MAST2: variants seen among roughly 807,000 people sequenced by gnomAD.
The protein encoded by MAST2 is microtubule-associated serine/threonine-protein kinase 2.
MAST2 carries 70 observed loss-of-function variants against 147.4 expected under a neutral mutation model. The ratio of observed to expected loss-of-function variants is 0.47; its 90% CI spans 0.39 to 0.58. MAST2 has a LOEUF of 0.58. Ranked by LOEUF, MAST2 falls within the 20% of genes least tolerant of loss-of-function variation. The pLI is 0.00. For missense variants in MAST2, 2,080 were observed against 2,302.3 expected, an observed-to-expected ratio of 0.90 and a Z score of 1.98; for synonymous variants, 869 against 896.8, an observed-to-expected ratio of 0.97 and a Z score of 0.55.
At position 46,033,370 on chromosome 1, in the gene MAST2, C is replaced by T. The variant is rs143568269; in HGVS notation, c.3538-432C>T. Among the ~76,000 whole-genome samples the T allele has an allele frequency of 7.4e-3, 1,117 of 150,504 alleles. 17 individuals are homozygous for T. The highest frequency in any genetic ancestry group is 0.026 in the African/African-American group (1,054 of 40,766). ...AGGAGAAGTGCTTGAACCCAGGAGG[C>T]AGAGGTTGCAGTGAGCTGAGATCGC... On this transcript the variant is annotated intron_variant, in intron 26 of 28. Transcript: ENST00000361297.
Position 46,034,939 on chromosome 1 carries a change from ACTT to A in MAST2, c.4273_4275del (p.Ser1425del). On this transcript the variant is annotated inframe_deletion, in exon 29 of 29. Transcript: ENST00000361297. ...TGCCGCCTCTGAGAAGAAGCTAGCC[ACTT>A]CTCGCAAGCACAGCCTTGACCTGCC... The A allele has an allele frequency of 6.2e-7, 1 of 1,614,056 alleles. No individual in the cohort carries two copies. Among genetic ancestry groups the A allele is most frequent in the Non-Finnish European group, 8.5e-7 (1 of 1,180,010 alleles).
At chr1:45,930,769 C>G (rs1655163272) in intron 4 of MAST2, among the ~76,000 whole-genome samples, 1 of 152,134 alleles carries the variant, frequency 6.6e-6, no homozygotes. Context: ...ACCCCATGAA[C>G]CAAATGTGAC....
chr1:45,946,220 C>G (rs1658004450), intron 4 of MAST2, among the ~76,000 whole-genome samples: 2 of 151,892 alleles, frequency 1.3e-5, no homozygotes. Context: ...CAGGTTGATT[C>G]CATTAGAACT....
In MAST2 at chr1:45,833,387, GTTC is replaced by G. The variant is rs61415077; in HGVS notation, c.468+3818_468+3820del. On this transcript the variant is annotated intron_variant, in intron 3 of 28. Coordinates refer to ENST00000361297, the MANE Select transcript of MAST2 (RefSeq NM_015112.3). ...TTAGGTGGAATATTGTTCAAGATTAGTTCTTCTTCTTCTTAAAAAAAAATTACA... is the reference window on the plus strand; with the variant it reads ...TTAGGTGGAATATTGTTCAAGATTAGTTCTTCTTCTTAAAAAAAAATTACA... Among the ~76,000 whole-genome samples, 1,154 of 151,412 alleles carry G rather than the reference GTTC, an allele frequency of 7.6e-3. 16 individuals carry two copies. Among genetic ancestry groups the G allele is most frequent in the African/African-American group, 0.027 (1,097 of 41,270 alleles).
At position 45,832,051 on chromosome 1, in the gene MAST2, A is replaced by G. The variant is rs563926459; in HGVS notation, c.468+2470A>G. ...TGCCTCGGCCTCTCAAAGTGCTGGG[A>G]TTACAGGCGTGAGCCACCGCACCTG... On this transcript the variant is annotated intron_variant, in intron 3 of 28. Coordinates refer to ENST00000361297, the MANE Select transcript of MAST2 (RefSeq NM_015112.3). Among the ~76,000 whole-genome samples the G allele has an allele frequency of 5.3e-5, 8 of 152,142 alleles. No individual in the cohort carries two copies. In the South Asian group the frequency reaches 8.3e-4, roughly 16 times the overall value.
chr1:45,811,922 C>G (rs1644314831), intron 1 of MAST2, among the ~76,000 whole-genome samples: 2 of 152,146 alleles, frequency 1.3e-5, no homozygotes, highest in East Asian at 1.9e-4. Flanking sequence ...GCGTGAGCCA[C>G]TGCGCCTGGC....
At chr1:45,961,488 A>T (rs934863704) in intron 5 of MAST2, among the ~76,000 whole-genome samples, 2 of 152,176 alleles carry the variant, frequency 1.3e-5, no homozygotes, top group African/African-American at 4.8e-5. Flanking sequence ...AAATCTTCCT[A>T]CTCAAGTGGA....
intron 4 of MAST2, among the ~76,000 whole-genome samples, chr1:45,896,119 C>T (rs970300177): frequency 2.6e-5 from 4 of 151,852 alleles, no homozygotes; most frequent in Admixed American, 6.6e-5. Context: ...CCTCTGCCTC[C>T]CTGGTTCAAG....
intron 3 of MAST2, among the ~76,000 whole-genome samples, chr1:45,860,934 G>C (rs866916307): frequency 6.6e-6 from 1 of 152,126 alleles, no homozygotes; most frequent in African/African-American, 2.4e-5. Context: ...TGGCATAGTT[G>C]TTGACCTCAT....
At chr1:45,933,561 GA>G (rs1485814311) in intron 4 of MAST2, among the ~76,000 whole-genome samples, 1 of 134,568 alleles carries the variant, frequency 7.4e-6, no homozygotes, top group Non-Finnish European at 1.6e-5. Context: ...CTGACATGGT[GA>G]AAACCCGTCT....
chr1:45,992,916 C>T (rs1379995468), intron 5 of MAST2, among the ~76,000 whole-genome samples: 2 of 151,870 alleles, frequency 1.3e-5, no homozygotes, highest in African/African-American at 2.4e-5. Context: ...CCTTTATTGG[C>T]TTATAGGCTA....
At chr1:45,949,644 G>A (rs1658631914) in intron 4 of MAST2, among the ~76,000 whole-genome samples, 1 of 152,186 alleles carries the variant, frequency 6.6e-6, no homozygotes. Context: ...TTCAACCATT[G>A]TGGAAAGCAG....
chr1:46,033,373 A>C (rs1646758838), intron 26 of MAST2, among the ~76,000 whole-genome samples: 1 of 151,680 alleles, frequency 6.6e-6, no homozygotes, highest in African/African-American at 2.4e-5. Flanking sequence ...CAGGAGGCAG[A>C]GGTTGCAGTG....
chr1:45,832,677 A>G (rs1472900931), intron 3 of MAST2, among the ~76,000 whole-genome samples: 1 of 152,150 alleles, frequency 6.6e-6, no homozygotes, highest in Admixed American at 6.6e-5. Context: ...TGAATATTCC[A>G]CTTTAAGGTG....
intron 8 of MAST2, among the ~76,000 whole-genome samples, chr1:46,006,948 T>C (rs1428189950): frequency 1.3e-5 from 2 of 152,244 alleles, no homozygotes; most frequent in African/African-American, 4.8e-5. Context: ...GACAGGTTGC[T>C]GGCGTGGGGA....
At chr1:46,016,527 T>C (rs988762704) in intron 10 of MAST2, among the ~76,000 whole-genome samples, 11 of 152,116 alleles carry the variant, frequency 7.2e-5, no homozygotes, top group African/African-American at 2.6e-4. Context: ...AGCATTCTTA[T>C]ACACCAATAA....
intron 4 of MAST2, chr1:45,913,846 A>C: frequency 8.1e-7 from 1 of 1,229,448 alleles, no homozygotes; most frequent in Non-Finnish European, 1.0e-6. Context: ...AAACGGAGGC[A>C]AGAGAGACTG....
intron 3 of MAST2, among the ~76,000 whole-genome samples, chr1:45,875,517 G>A (rs1362650652): frequency 3.3e-5 from 5 of 152,112 alleles, no homozygotes; most frequent in Non-Finnish European, 7.4e-5. Flanking sequence ...CAGAAAACAG[G>A]TACTATATAT....
intron 3 of MAST2, among the ~76,000 whole-genome samples, chr1:45,856,865 T>G (rs1362899579): frequency 1.3e-5 from 2 of 151,928 alleles, no homozygotes; most frequent in Non-Finnish European, 2.9e-5. Context: ...GGAGGAGATG[T>G]GCATCATATG....
Sources: allele counts gnomAD v4.1 joint callset (sites outside exome capture counted in the v4.1 genomes callset), GRCh38; gene constraint gnomAD v4.1.1; transcripts MANE v1.5; gene names NCBI Gene and HGNC (gene_info 2026-07-23, HGNC 2026-07-21).